Variants in MRPL15 observed in about 807,000 individuals in gnomAD.
The protein encoded by MRPL15 is mitochondrial ribosomal protein L15, also known as large ribosomal subunit protein uL15m.
A neutral mutation model predicts 28.0 loss-of-function variants in MRPL15; 24 were observed. The observed-to-expected ratio is 0.86, with a 90% CI of 0.62 to 1.21. MRPL15 has a LOEUF of 1.21. Among genes scored for constraint, MRPL15 ranks in the 50% most tolerant of loss-of-function variants. The probability of loss-of-function intolerance (pLI) is 0.00; values close to 1 mark genes in which losing one functional copy is unlikely to be tolerated. For synonymous variants in MRPL15, 124 were observed against 137.0 expected, an observed-to-expected ratio of 0.90 and a Z score of 0.66; for missense variants, 343 against 372.4, an observed-to-expected ratio of 0.92 and a Z score of 0.65.
In MRPL15 at chr8:54,136,645, C is replaced by A. The variant is rs1455925990; in HGVS notation, c.243C>A (p.Tyr81Ter). ...CATTTTACATCCGAATCCCAAAATA[C>A]GGGTTTAACGAAGGACATAGGTAAG... is the stretch of plus-strand genomic sequence containing the variant. ...QTPFYIRIPK[Y>*]GFNEGHSFRR... is the part of the protein sequence containing the mutation. Residue 81 changes from tyrosine (Y) to a stop codon, truncating the protein, a stop_gained, in exon 2 of 5, where the codon TAC becomes TAA. Coordinates refer to ENST00000260102, the MANE Select transcript of MRPL15 (RefSeq NM_014175.4). LOFTEE classifies it high-confidence loss of function. 1 of 1,613,920 alleles carries A rather than the reference C, an allele frequency of 6.2e-7. No homozygotes were observed. Among genetic ancestry groups the A allele is most frequent in the African/African-American group, 1.3e-5 (1 of 74,928 alleles).
intron 1 of MRPL15, 121 bp from the exon 2 acceptor site, chr8:54,136,390 C>A: frequency 1.9e-6 from 2 of 1,068,726 alleles, no homozygotes; most frequent in Non-Finnish European, 2.7e-6. Flanking sequence ...ATGCTTGACA[C>A]AATAGTGTTA....
At chr8:54,143,150 T>C (rs923628226) in intron 4 of MRPL15, among the ~76,000 whole-genome samples, 2 of 151,974 alleles carry the variant, frequency 1.3e-5, no homozygotes, top group Non-Finnish European at 2.9e-5. Flanking sequence ...GCGCAATCTC[T>C]GCTCACTGCA....
intron 3 of MRPL15, 30 bp downstream of exon 3, chr8:54,137,463 T>C (rs1197612003): frequency 8.7e-6 from 14 of 1,601,314 alleles, no homozygotes; most frequent in East Asian, 2.2e-5. Flanking sequence ...TTTGGTGTTA[T>C]ATAGGAGGAT....
rs1424872779 is a variant in MRPL15 at position 54,136,452 on chromosome 8, T to A, written c.109-59T>A. 9.0e-6 allele frequency: 14 copies of A among 1,561,034 alleles called. No individual in the cohort carries two copies. In the East Asian group the frequency reaches 3.2e-4, roughly 35 times the overall value. On this transcript the variant is annotated intron_variant, in intron 1 of 4. Coordinates refer to ENST00000260102, the MANE Select transcript of MRPL15 (RefSeq NM_014175.4). ...AACAGCATAACAAAAAGTGAAGAGC[T>A]GAAATGCAGTTTTTAGAAATGCATC...
rs1811072204 is a variant in MRPL15, at chr8:54,147,819, T to C, written c.*100T>C. 9.3e-7 allele frequency: 1 copy of C among 1,077,496 alleles called. No homozygotes were observed. The highest frequency in any genetic ancestry group is 2.6e-5 in the East Asian group (1 of 39,074). 66.7% of individuals were successfully genotyped at this position (1,077,496 alleles called of 1,614,324 possible). A position where few individuals can be genotyped will look rare whatever the true frequency, so the allele number is the denominator to read the frequency against. The stretch of plus-strand genomic sequence containing the variant: ...TTTTCCTTATGTATAATTTTCCAGA[T>C]GGTGATGTTACTTTTCAGTGTACTC... On this transcript the variant is annotated 3_prime_UTR_variant, in exon 5 of 5. Transcript: ENST00000260102.
Position 54,147,791 on chromosome 8 carries a change from G to A in MRPL15, c.*72G>A. 7.6e-7 allele frequency: 1 copy of A among 1,307,600 alleles called. No individual in the cohort carries two copies. Among genetic ancestry groups the A allele is most frequent in the Middle Eastern group, 1.9e-4 (1 of 5,182 alleles). 81.0% of individuals were successfully genotyped at this position (1,307,600 alleles called of 1,614,324 possible). A position where few individuals can be genotyped will look rare whatever the true frequency, so the allele number is the denominator to read the frequency against. ...GCTGAAGGATCTATATTCCCTTATT[G>A]CATTTTCCTTATGTATAATTTTCCA... On this transcript the variant is annotated 3_prime_UTR_variant, in exon 5 of 5. Transcript: ENST00000260102.
chr8:54,138,329 T>TTA (rs1810865486), intron 3 of MRPL15, among the ~76,000 whole-genome samples: 1 of 128,462 alleles, frequency 7.8e-6, no homozygotes, highest in Non-Finnish European at 1.6e-5. Flanking sequence ...TTTTTTTTTT[T>TTA]AAATAGAGAT....
chr8:54,144,635 G>T (rs1811011959), intron 4 of MRPL15, among the ~76,000 whole-genome samples: 1 of 152,032 alleles, frequency 6.6e-6, no homozygotes, highest in African/African-American at 2.4e-5. Context: ...GCGGGGTGTG[G>T]TGGCAGGCGC....
chr8:54,145,804 C>A (rs1489251825), intron 4 of MRPL15, among the ~76,000 whole-genome samples: 1 of 152,212 alleles, frequency 6.6e-6, no homozygotes, highest in Non-Finnish European at 1.5e-5. Context: ...TTTGAAGATA[C>A]TTTCTTGATG....
chr8:54,136,801 T>C, intron 2 of MRPL15, 136 bp downstream of exon 2: 1 of 1,090,754 alleles, frequency 9.2e-7, no homozygotes, highest in South Asian at 1.7e-5. Context: ...CCCTGAACCA[T>C]TTTTTGGTAA....
intron 4 of MRPL15, 71 bp from the exon 5 acceptor site, chr8:54,147,310 AG>A: frequency 4.6e-6 from 5 of 1,094,996 alleles, no homozygotes; most frequent in Non-Finnish European, 6.5e-6. Context: ...TCTCTATGTT[AG>A]AGTTACATCT....
intron 4 of MRPL15, among the ~76,000 whole-genome samples, chr8:54,145,518 G>T (rs992357515): frequency 6.6e-6 from 1 of 151,484 alleles, no homozygotes; most frequent in African/African-American, 2.4e-5. Flanking sequence ...AGATGGTCTT[G>T]CTCTCTCAGG....
Position 54,135,349 on chromosome 8 carries a change from G to A in MRPL15, c.66G>A (p.Val22=), listed in dbSNP as rs906909562. 1 of 1,517,150 alleles carries A rather than the reference G, an allele frequency of 6.6e-7. No homozygotes were observed. The highest frequency in any genetic ancestry group is 8.9e-7 in the Non-Finnish European group (1 of 1,129,486). The allele number at this position is 1,517,150 out of a possible 1,614,324, so 94.0% of individuals were successfully genotyped here. The change falls in exon 1 of 5, where the codon GTG becomes GTA. Residue 22 remains valine (V), a synonymous_variant. Transcript: ENST00000260102. ...ALDLLRGLPR[V]SLANLKPNPG... ...ACCTACTCCGGGGCCTGCCGCGTGT[G>A]AGCCTGGCCAACTTAAAGCCGAATC...
intron 4 of MRPL15, among the ~76,000 whole-genome samples, chr8:54,145,854 G>A (rs954351215): frequency 1.3e-5 from 2 of 152,170 alleles, no homozygotes; most frequent in Non-Finnish European, 1.5e-5. Flanking sequence ...TCTGTTGTAG[G>A]TGAAGTAGGT....
intron 4 of MRPL15, among the ~76,000 whole-genome samples, chr8:54,147,119 C>A (rs983352027): frequency 5.3e-5 from 8 of 152,074 alleles, no homozygotes; most frequent in Non-Finnish European, 1.0e-4. Flanking sequence ...CTAATCCCAG[C>A]TACTTGGGAG....
intron 4 of MRPL15, among the ~76,000 whole-genome samples, chr8:54,146,722 C>T (rs1037667275): frequency 6.6e-6 from 1 of 152,186 alleles, no homozygotes; most frequent in African/African-American, 2.4e-5. Flanking sequence ...ATACAGTTAT[C>T]TATTTGTGTA....
intron 3 of MRPL15, among the ~76,000 whole-genome samples, chr8:54,138,641 TTTTTA>T (rs1209875340): frequency 1.3e-5 from 2 of 151,974 alleles, no homozygotes; most frequent in African/African-American, 4.8e-5. Flanking sequence ...TTTGAGAGTC[TTTTTA>T]AAAGAGCACT....
At position 54,147,495 on chromosome 8, in the gene MRPL15, C is replaced by T; in HGVS notation, c.667C>T (p.Leu223=). ...CACTGATGCAAAGAACCGTGGGTAC[C>T]TGGCGGATCCTGCCAAATTTCCTGA... is the stretch of plus-strand genomic sequence containing the variant. ...YYTDAKNRGY[L]ADPAKFPEAR... The change falls in exon 5 of 5, where the codon CTG becomes TTG. Residue 223 remains leucine (L), a synonymous_variant. Transcript: ENST00000260102. 2 of 1,614,190 alleles carry T rather than the reference C, an allele frequency of 1.2e-6. No individual in the cohort carries two copies. The highest frequency in any genetic ancestry group is 2.2e-5 in the South Asian group (2 of 91,088).
chr8:54,143,243 G>A (rs2129240134), intron 4 of MRPL15, among the ~76,000 whole-genome samples: 1 of 152,266 alleles, frequency 6.6e-6, no homozygotes, highest in African/African-American at 2.4e-5. Flanking sequence ...ACCACACCCA[G>A]CCAATTTTTG....
Sources: gnomAD v4.1 joint callset for allele counts (sites outside exome capture counted in the v4.1 genomes callset) on GRCh38, gnomAD v4.1.1 for gene constraint, MANE v1.5 for transcripts, NCBI Gene and HGNC (gene_info 2026-07-23, HGNC 2026-07-21) for gene names.